Variants in VPS13B observed in about 807,000 individuals in gnomAD.
VPS13B encodes the protein intermembrane lipid transfer protein VPS13B.
Under a neutral mutation model 426.4 loss-of-function variants are expected in VPS13B, and 285 were observed. The ratio of observed to expected loss-of-function variants is 0.67; its 90% CI spans 0.61 to 0.74. The LOEUF is 0.74. Ranked by LOEUF, VPS13B falls within the 30% of genes least tolerant of loss-of-function variation. The probability of loss-of-function intolerance (pLI) is 0.00; values close to 1 mark genes in which losing one functional copy is unlikely to be tolerated. For missense variants in VPS13B, 4,537 were observed against 4,782.6 expected (o/e 0.95, Z 1.51); for synonymous variants, 1,676 against 1,676.4 (o/e 1.00, Z 0.01).
At chr8:99,698,814 A>G (rs1162430592) in intron 35 of VPS13B, among the ~76,000 whole-genome samples, 1 of 152,272 alleles carries the variant, frequency 6.6e-6, no homozygotes, top group African/African-American at 2.4e-5. Flanking sequence ...AAGAAGGTTA[A>G]AAACAATACA....
chr8:99,314,160 GC>G (rs1431288546), intron 19 of VPS13B, among the ~76,000 whole-genome samples: 4 of 152,180 alleles, frequency 2.6e-5, no homozygotes, highest in Admixed American at 2.6e-4. Flanking sequence ...TGCTCGTTGG[GC>G]TGCACCCACT....
chr8:99,673,388 AG>A (rs1267657905), intron 35 of VPS13B, among the ~76,000 whole-genome samples: 1 of 151,970 alleles, frequency 6.6e-6, no homozygotes, highest in Non-Finnish European at 1.5e-5. Flanking sequence ...TTTATCCATT[AG>A]GTTATTCAAT....
chr8:99,162,708 C>T (rs1033714114), intron 15 of VPS13B, among the ~76,000 whole-genome samples: 5 of 152,226 alleles, frequency 3.3e-5, no homozygotes, highest in South Asian at 4.1e-4. Context: ...TGCAGATCTT[C>T]GCGGTGAGTG....
intron 54 of VPS13B, among the ~76,000 whole-genome samples, chr8:99,839,402 C>T (rs1815562599): frequency 6.6e-6 from 1 of 152,210 alleles, no homozygotes; most frequent in Admixed American, 6.5e-5. Flanking sequence ...GTGCCAAACC[C>T]TTTGCCCTAA....
intron 40 of VPS13B, among the ~76,000 whole-genome samples, chr8:99,770,940 G>A (rs1456454495): frequency 6.6e-6 from 1 of 152,214 alleles, no homozygotes. Context: ...GAACAAAAGG[G>A]AAAAGGAATC....
intron 19 of VPS13B, among the ~76,000 whole-genome samples, chr8:99,375,389 A>G (rs531429667): frequency 1.3e-5 from 2 of 152,206 alleles, no homozygotes; most frequent in African/African-American, 2.4e-5. Flanking sequence ...GATAGATTAC[A>G]TGGCTCGTTG....
intron 25 of VPS13B, among the ~76,000 whole-genome samples, chr8:99,484,841 T>C (rs907652619): frequency 1.4e-5 from 2 of 143,094 alleles, no homozygotes; most frequent in Non-Finnish European, 3.0e-5. Context: ...TGAGACTGTG[T>C]CCTGTCTCAA....
chr8:99,506,950 T>C (rs1054926940), intron 27 of VPS13B, among the ~76,000 whole-genome samples, 187 bp from the exon 28 acceptor site: 2 of 152,218 alleles, frequency 1.3e-5, no homozygotes, highest in Admixed American at 6.5e-5. Flanking sequence ...TGAAGACAAA[T>C]GTTCTTATGC....
rs1476327965 is a variant in VPS13B, at chr8:99,818,773, T to G, written c.8506T>G (p.Leu2836Val). 2.5e-6 allele frequency: 4 copies of G among 1,613,888 alleles called. No individual in the cohort carries two copies. Among genetic ancestry groups the G allele is most frequent in the Non-Finnish European group, 3.4e-6 (4 of 1,179,936 alleles). ...TCTTCCAGACCCCATTATCATACATTTGGAGAAAAGGAGTCTGGGATTGAG... is the reference window on the plus strand; with the variant it reads ...TCTTCCAGACCCCATTATCATACATGTGGAGAAAAGGAGTCTGGGATTGAG... ...SHLPDPIIIHLEKRSLGLSET... is the reference protein window; with the variant it reads ...SHLPDPIIIHVEKRSLGLSET... The change falls in exon 47 of 62, where the codon TTG (leucine) becomes GTG (valine). Residue 2836 changes from leucine to valine, a missense_variant. Physicochemically the swap from Leu to Val is conservative, Grantham distance 32. Transcript: ENST00000357162.
chr8:99,845,750 C>T (rs1381917654), intron 54 of VPS13B, among the ~76,000 whole-genome samples: 1 of 152,142 alleles, frequency 6.6e-6, no homozygotes. Flanking sequence ...CAGGAGTCAA[C>T]AAATATTTTT....
intron 39 of VPS13B, among the ~76,000 whole-genome samples, chr8:99,750,321 A>G (rs1810328789): frequency 6.6e-6 from 1 of 152,028 alleles, no homozygotes; most frequent in South Asian, 2.1e-4. Flanking sequence ...CCTGTCTCCA[A>G]CCAGGTGGAA....
chr8:99,120,393 A>G (rs1847881397), intron 7 of VPS13B: 1 of 152,160 alleles, frequency 6.6e-6, no homozygotes, highest in East Asian at 1.9e-4. Flanking sequence ...TCTAAATTTC[A>G]TGATGCCTCT....
chr8:99,789,812 G>A (rs1342955810), intron 43 of VPS13B, among the ~76,000 whole-genome samples: 1 of 152,054 alleles, frequency 6.6e-6, no homozygotes, highest in African/African-American at 2.4e-5. Flanking sequence ...GAAATTCTAT[G>A]TATACAATGT....
chr8:99,123,912 G>A (rs887755252), intron 8 of VPS13B, among the ~76,000 whole-genome samples: 2 of 152,184 alleles, frequency 1.3e-5, no homozygotes, highest in African/African-American at 4.8e-5. Flanking sequence ...TATTTAAGTA[G>A]AGTAACTTAG....
intron 17 of VPS13B, among the ~76,000 whole-genome samples, chr8:99,266,909 A>G (rs894415002): frequency 1.3e-5 from 2 of 152,182 alleles, no homozygotes; most frequent in Non-Finnish European, 2.9e-5. Flanking sequence ...GTATTTCTTC[A>G]TAGCAGCATG....
At chr8:99,440,160 C>A (rs1024226482) in intron 22 of VPS13B, among the ~76,000 whole-genome samples, 3 of 152,042 alleles carry the variant, frequency 2.0e-5, no homozygotes, top group Middle Eastern at 3.2e-3. Context: ...AAAACTGAAA[C>A]AAGATCCTTG....
At chr8:99,145,063 T>C (rs1041817430) in intron 13 of VPS13B, among the ~76,000 whole-genome samples, 1 of 152,122 alleles carries the variant, frequency 6.6e-6, no homozygotes, top group Non-Finnish European at 1.5e-5. Flanking sequence ...AGTTTGGCAA[T>C]ATACAGGGAT....
chr8:99,243,778 A>C (rs1817057462), intron 17 of VPS13B, among the ~76,000 whole-genome samples: 1 of 152,254 alleles, frequency 6.6e-6, no homozygotes, highest in East Asian at 1.9e-4. Context: ...GGTTGCAAGC[A>C]TATGATTGAA....
At chr8:99,221,972 C>A (rs771399622) in intron 17 of VPS13B, among the ~76,000 whole-genome samples, 10 of 152,120 alleles carry the variant, frequency 6.6e-5, no homozygotes, top group African/African-American at 9.7e-5. Flanking sequence ...AGAACTATAC[C>A]TTTTGTTAGA....
Sources: allele counts gnomAD v4.1 joint callset (sites outside exome capture counted in the v4.1 genomes callset), GRCh38; gene constraint gnomAD v4.1.1; transcripts MANE v1.5; gene names NCBI Gene and HGNC (gene_info 2026-07-23, HGNC 2026-07-21).